The following THBS4 variants were observed in gnomAD, a reference collection of about 807,000 sequenced individuals.
THBS4 encodes thrombospondin-4.
Under a neutral mutation model 115.7 loss-of-function variants are expected in THBS4, and 90 were observed. That is an observed-to-expected ratio of 0.78 (90% confidence interval 0.66 to 0.93). The LOEUF (loss-of-function observed/expected upper bound fraction) is 0.93, where lower values mean the gene tolerates loss of function less well. Ranked by LOEUF, THBS4 falls within the 40% of genes least tolerant of loss-of-function variation. The probability of loss-of-function intolerance (pLI) is 0.00; values close to 1 mark genes in which losing one functional copy is unlikely to be tolerated. For synonymous variants in THBS4, 460 were observed against 479.3 expected (o/e 0.96, Z 0.53); for missense variants, 1,087 against 1,232.7 (o/e 0.88, Z 1.77).
At chr5:79,995,854 T>C (rs930638897) in intron 1 of THBS4, among the ~76,000 whole-genome samples, 1 of 152,002 alleles carries the variant, frequency 6.6e-6, no homozygotes, top group Admixed American at 6.6e-5. Context: ...CTGGGCACAG[T>C]GGCTCACACC....
chr5:80,081,620 T>C (rs1743510020), intron 20 of THBS4, among the ~76,000 whole-genome samples: 2 of 152,216 alleles, frequency 1.3e-5, no homozygotes, highest in Admixed American at 6.5e-5. Context: ...TCTCAAATGG[T>C]ACACATTTTA....
intron 2 of THBS4, among the ~76,000 whole-genome samples, chr5:80,017,011 G>C (rs1412824193): frequency 6.6e-6 from 1 of 151,980 alleles, no homozygotes; most frequent in Non-Finnish European, 1.5e-5. Context: ...AAGCATTTAA[G>C]ACAGATGATA....
At chr5:80,066,579 C>G (rs547108685) in intron 9 of THBS4, 2 of 152,250 alleles carry the variant, frequency 1.3e-5, no homozygotes, top group Admixed American at 6.5e-5. Flanking sequence ...GCACTCTAAC[C>G]TGGGTGACAG....
intron 3 of THBS4, among the ~76,000 whole-genome samples, chr5:80,057,806 C>A (rs1408255157): frequency 5.9e-5 from 9 of 152,154 alleles, no homozygotes; most frequent in Non-Finnish European, 7.3e-5. Context: ...CTTTGCTAGA[C>A]CCTTGAGCCA....
intron 2 of THBS4, among the ~76,000 whole-genome samples, chr5:80,042,250 G>T (rs1832926445): frequency 6.6e-6 from 1 of 152,184 alleles, no homozygotes; most frequent in Non-Finnish European, 1.5e-5. Flanking sequence ...GCCCCATTTT[G>T]CCTAGCATCT....
At chr5:80,062,714 G>A (rs1833680261) in intron 8 of THBS4, among the ~76,000 whole-genome samples, 1 of 151,998 alleles carries the variant, frequency 6.6e-6, no homozygotes, top group South Asian at 2.1e-4. Context: ...GCCCTGGTGT[G>A]TGACATTCCC....
intron 16 of THBS4, among the ~76,000 whole-genome samples, chr5:80,077,283 G>A (rs1053661901): frequency 2.0e-5 from 3 of 152,154 alleles, no homozygotes; most frequent in African/African-American, 7.2e-5. Flanking sequence ...AACAACCCTA[G>A]GATGCCATCA....
chr5:80,044,519 T>C (rs1030283305), intron 2 of THBS4, among the ~76,000 whole-genome samples: 3 of 152,084 alleles, frequency 2.0e-5, no homozygotes, highest in Non-Finnish European at 4.4e-5. Context: ...GCCTCCTAGG[T>C]TCGACTGACT....
chr5:80,003,745 C>T (rs2151151042), intron 2 of THBS4, among the ~76,000 whole-genome samples: 1 of 152,332 alleles, frequency 6.6e-6, no homozygotes, highest in East Asian at 1.9e-4. Flanking sequence ...AATGAAATCC[C>T]ATATCTCTGA....
intron 3 of THBS4, among the ~76,000 whole-genome samples, chr5:80,057,845 A>G (rs1833482028): frequency 1.3e-5 from 2 of 152,220 alleles, no homozygotes; most frequent in Admixed American, 1.3e-4. Flanking sequence ...ACTGTTTAAA[A>G]TTGGGGTTAA....
chr5:80,012,343 C>T (rs1832143637), intron 2 of THBS4, among the ~76,000 whole-genome samples: 1 of 152,280 alleles, frequency 6.6e-6, no homozygotes, highest in South Asian at 2.1e-4. Context: ...GGTAATAAAA[C>T]TCTGACTGGT....
intron 1 of THBS4, among the ~76,000 whole-genome samples, chr5:79,991,654 GC>G (rs753565341): frequency 6.6e-6 from 1 of 152,190 alleles, no homozygotes; most frequent in Non-Finnish European, 1.5e-5. Context: ...CATGTATGTG[GC>G]CTCTGCCTGC....
intron 1 of THBS4, among the ~76,000 whole-genome samples, chr5:79,992,955 CAG>C (rs1041136572): frequency 4.6e-5 from 7 of 152,224 alleles, no homozygotes; most frequent in African/African-American, 1.7e-4. Flanking sequence ...AAAGGCAAGG[CAG>C]GGGGAAAGAA....
upstream of THBS4, among the ~76,000 whole-genome samples, chr5:80,034,452 G>A (rs185471487): frequency 1.3e-5 from 2 of 152,312 alleles, no homozygotes; most frequent in East Asian, 3.9e-4. Context: ...TGTTACAGAG[G>A]AGAAATTTTT....
chr5:80,047,155 A>T (rs1254220211), intron 2 of THBS4, among the ~76,000 whole-genome samples: 3 of 152,220 alleles, frequency 2.0e-5, no homozygotes, highest in Admixed American at 6.5e-5. Context: ...ATGAACAGAT[A>T]CTGTGATGCA....
At chr5:80,047,800 A>AT (rs919840912) in intron 2 of THBS4, among the ~76,000 whole-genome samples, 2 of 151,180 alleles carry the variant, frequency 1.3e-5, no homozygotes, top group African/African-American at 2.4e-5. Context: ...CACCCGCCTA[A>AT]TTTTTTTTGT....
intron 2 of THBS4, among the ~76,000 whole-genome samples, chr5:80,045,542 T>C (rs1460211376): frequency 6.6e-6 from 1 of 151,714 alleles, no homozygotes; most frequent in Non-Finnish European, 1.5e-5. Context: ...TTTTTTTTTT[T>C]TTTTTGAGAC....
In THBS4 at chr5:80,073,345, A is replaced by T. The variant is rs1310620481; in HGVS notation, c.1892+18A>T. ...CAGGACAGGTATGGCATGTCTCCCAACTGCAGAGAGACAGATGCAAACATC... is the reference window on the plus strand; with the variant it reads ...CAGGACAGGTATGGCATGTCTCCCATCTGCAGAGAGACAGATGCAAACATC... On this transcript the variant is annotated intron_variant, in intron 15 of 21. Coordinates refer to ENST00000350881, the MANE Select transcript of THBS4 (RefSeq NM_003248.6). 1 of 1,611,086 alleles carries T rather than the reference A, an allele frequency of 6.2e-7. No homozygotes were observed. Among genetic ancestry groups the T allele is most frequent in the Non-Finnish European group, 8.5e-7 (1 of 1,178,158 alleles).
At position 80,035,532 on chromosome 5, in the gene THBS4, GC is replaced by G; in HGVS notation, c.-4del. On this transcript the variant is annotated 5_prime_UTR_variant, in exon 1 of 22. Coordinates refer to ENST00000350881, the MANE Select transcript of THBS4 (RefSeq NM_003248.6). This position sits in a 1 kb window ranked among gnomAD's most constrained non-coding sequence, Gnocchi z 4.6. Reference sequence around the variant, plus strand: ...CCCGGCCTCGCGGGGAGCAGGAAGAGCCAACATGCTGGCCCCGCGCGGAGCC... The same window carrying G: ...CCCGGCCTCGCGGGGAGCAGGAAGAGCAACATGCTGGCCCCGCGCGGAGCC... 1 of 1,380,814 alleles carries G rather than the reference GC, an allele frequency of 7.2e-7. No homozygotes were observed. Among genetic ancestry groups the G allele is most frequent in the Non-Finnish European group, 9.4e-7 (1 of 1,066,182 alleles). The allele number at this position is 1,380,814 out of a possible 1,614,324, so 85.5% of individuals were successfully genotyped here. A position where few individuals can be genotyped will look rare whatever the true frequency, so the allele number is the denominator to read the frequency against.
Sources: allele counts gnomAD v4.1 joint callset (sites outside exome capture counted in the v4.1 genomes callset), GRCh38; gene constraint gnomAD v4.1.1; non-coding constraint Gnocchi (gnomAD v3.1); transcripts MANE v1.5; gene names NCBI Gene and HGNC (gene_info 2026-07-23, HGNC 2026-07-21).